UNC13C: variants seen among roughly 807,000 people sequenced by gnomAD.
The protein encoded by UNC13C is protein unc-13 homolog C.
UNC13C carries 174 observed loss-of-function variants against 245.4 expected under a neutral mutation model. That is an observed-to-expected ratio of 0.71 (90% CI 0.63 to 0.80). UNC13C has a LOEUF of 0.80. Among genes scored for constraint, UNC13C ranks in the 30% least tolerant of loss-of-function variants. The probability of loss-of-function intolerance (pLI) is 0.00; values close to 1 mark genes in which losing one functional copy is unlikely to be tolerated. For missense variants in UNC13C, 2,829 were observed against 2,602.9 expected (o/e 1.09, Z -1.89); for synonymous variants, 992 against 895.1 (o/e 1.11, Z -1.93).
At chr15:53,872,652 C>G in the UNC13C span, among the ~76,000 whole-genome samples, 3 of 152,132 alleles carry the variant, frequency 2.0e-5, no homozygotes, top group Admixed American at 1.3e-4. Context: ...TACAATCTAC[C>G]CACAGACTAC....
the UNC13C span, chr15:53,948,453 C>T: frequency 6.6e-6 from 1 of 151,768 alleles, no homozygotes; most frequent in Non-Finnish European, 1.5e-5. Flanking sequence ...CGTCTCTACT[C>T]AAAATACAAA....
intron 4 of UNC13C, among the ~76,000 whole-genome samples, chr15:54,153,550 T>G (rs2032615726): frequency 6.6e-6 from 1 of 152,028 alleles, no homozygotes; most frequent in African/African-American, 2.4e-5. Context: ...ACTCCAGAAT[T>G]TGATTGCTTT....
chr15:54,565,718 A>G (rs1452265464), intron 29 of UNC13C, among the ~76,000 whole-genome samples: 1 of 152,126 alleles, frequency 6.6e-6, no homozygotes, highest in South Asian at 2.1e-4. Flanking sequence ...GTTTTATTCC[A>G]CCCAAAATAA....
intron 19 of UNC13C, among the ~76,000 whole-genome samples, chr15:54,437,153 G>C (rs1306443178): frequency 6.6e-6 from 1 of 151,834 alleles, no homozygotes; most frequent in Non-Finnish European, 1.5e-5. Flanking sequence ...TTGGATAATT[G>C]CTTTCACTGG....
At chr15:54,077,722 A>T (rs536207292) in intron 2 of UNC13C, among the ~76,000 whole-genome samples, 4 of 152,166 alleles carry the variant, frequency 2.6e-5, no homozygotes, top group African/African-American at 9.6e-5. Context: ...GTCCCATAAC[A>T]TCTAATTAAA....
intron 2 of UNC13C, among the ~76,000 whole-genome samples, chr15:54,042,857 AAGAAAAAG>A (rs973554017): frequency 4.8e-4 from 26 of 53,994 alleles, no homozygotes; most frequent in Non-Finnish European, 1.4e-3. Context: ...TGTCTCAGAA[AAGAAAAAG>A]AAAAAGAAAA....
At chr15:54,626,602 A>G (rs935811082) in intron 32 of UNC13C, among the ~76,000 whole-genome samples, 2 of 152,144 alleles carry the variant, frequency 1.3e-5, no homozygotes, top group Admixed American at 1.3e-4. Context: ...TAAGTGTAAC[A>G]TAGTATCTTA....
intron 19 of UNC13C, among the ~76,000 whole-genome samples, chr15:54,416,373 G>T (rs1347164188): frequency 6.6e-6 from 1 of 152,108 alleles, no homozygotes; most frequent in Non-Finnish European, 1.5e-5. Flanking sequence ...GTACTAGATA[G>T]ATCATAATAT....
intron 2 of UNC13C, among the ~76,000 whole-genome samples, chr15:54,028,388 T>A (rs1205006739): frequency 6.6e-6 from 1 of 152,104 alleles, no homozygotes; most frequent in Non-Finnish European, 1.5e-5. Flanking sequence ...CTAGTCTCCG[T>A]CTCTATTTCT....
the UNC13C span, among the ~76,000 whole-genome samples, chr15:53,926,185 G>C: frequency 6.6e-6 from 1 of 152,050 alleles, no homozygotes; most frequent in South Asian, 2.1e-4. Context: ...TCTGAAGAAG[G>C]TGTAGGGAGC....
intron 30 of UNC13C, among the ~76,000 whole-genome samples, chr15:54,591,833 G>A (rs567845126): frequency 6.6e-6 from 1 of 152,000 alleles, no homozygotes; most frequent in East Asian, 1.9e-4. Context: ...TTCTTCTGCT[G>A]GGTTTGGGTT....
rs368616969 is a variant in UNC13C, at chr15:54,519,241, G to GA, written c.5458-6302dup. Among the ~76,000 whole-genome samples the GA allele has an allele frequency of 8.0e-3, 1,210 of 152,076 alleles. 14 individuals are homozygous for GA. Among genetic ancestry groups the GA allele is most frequent in the African/African-American group, 0.027 (1,134 of 41,482 alleles). Reference sequence around the variant, plus strand: ...AGTGTATGTGTTGCAGGTGAGAAGGGAAAAAATGTATAAGAGAAAAGAATG... The same window carrying GA: ...AGTGTATGTGTTGCAGGTGAGAAGGGAAAAAAATGTATAAGAGAAAAGAATG... On this transcript the variant is annotated intron_variant, in intron 24 of 32. Transcript: ENST00000260323.
At chr15:53,839,658 T>A in the UNC13C span, among the ~76,000 whole-genome samples, 30 of 152,226 alleles carry the variant, frequency 2.0e-4, 1 homozygote, top group South Asian at 2.3e-3. Flanking sequence ...TCACCTACAT[T>A]TATTATGCTT....
the UNC13C span, among the ~76,000 whole-genome samples, chr15:53,923,518 A>G: frequency 1.3e-5 from 2 of 152,236 alleles, no homozygotes; most frequent in Non-Finnish European, 1.5e-5. Context: ...CTTGAAGGAT[A>G]CTTCCCCTAT....
chr15:54,395,781 A>G (rs963638985), intron 18 of UNC13C, among the ~76,000 whole-genome samples: 19 of 151,966 alleles, frequency 1.3e-4, no homozygotes, highest in African/African-American at 4.6e-4. Flanking sequence ...ACGGTAGACT[A>G]TAAGCATGAG....
At chr15:53,837,743 A>G in the UNC13C span, among the ~76,000 whole-genome samples, 1 of 152,142 alleles carries the variant, frequency 6.6e-6, no homozygotes, top group Non-Finnish European at 1.5e-5. Context: ...TGTGTGTAGT[A>G]TGAGATAGGA....
intron 4 of UNC13C, among the ~76,000 whole-genome samples, chr15:54,171,156 C>A (rs1362572947): frequency 6.6e-6 from 1 of 152,070 alleles, no homozygotes; most frequent in Non-Finnish European, 1.5e-5. Flanking sequence ...TATAATCAAT[C>A]CCAAACCCTA....
At chr15:54,550,539 G>T (rs2141183212) in intron 28 of UNC13C, among the ~76,000 whole-genome samples, 1 of 152,160 alleles carries the variant, frequency 6.6e-6, no homozygotes, top group East Asian at 1.9e-4. Context: ...GTACAGCACA[G>T]GGGAAAAACA....
At chr15:53,957,896 A>G in the UNC13C span, among the ~76,000 whole-genome samples, 1 of 152,252 alleles carries the variant, frequency 6.6e-6, no homozygotes, top group Admixed American at 6.5e-5. Flanking sequence ...TAACAGAGGC[A>G]TCAGCAAACA....
Sources: gnomAD v4.1 joint callset for allele counts (sites outside exome capture counted in the v4.1 genomes callset) on GRCh38, gnomAD v4.1.1 for gene constraint, MANE v1.5 for transcripts, NCBI Gene and HGNC (gene_info 2026-07-23, HGNC 2026-07-21) for gene names.